DMD: variants seen among roughly 807,000 people sequenced by gnomAD.
The protein encoded by DMD is mutant dystrophin.
A neutral mutation model predicts 330.1 loss-of-function variants in DMD; 63 were observed. The observed-to-expected ratio is 0.19, with a 90% CI of 0.16 to 0.24. The LOEUF is 0.24. DMD is among the 10% of genes least tolerant of loss of function. The pLI, the probability that DMD is intolerant of heterozygous loss-of-function variation, is 1.00. For missense variants in DMD, 3,344 were observed against 2,684.1 expected, an observed-to-expected ratio of 1.25 and a Z score of -5.43; for synonymous variants, 1,223 against 959.8, an observed-to-expected ratio of 1.27 and a Z score of -5.07.
chrX:31,162,356 T>TAAAAAAAAAAA (rs57908991), intron 74 of DMD, among the ~76,000 whole-genome samples: 37 of 50,617 alleles, frequency 7.3e-4, no homozygotes, highest in African/African-American at 2.4e-3. Flanking sequence ...ATGAAAAATC[T>TAAAAAAAAAAA]AAAAAAAAAA....
Position 32,624,480 on chromosome X carries a change from G to A in DMD, c.1332-10027C>T, listed in dbSNP as rs148109972. Among the ~76,000 whole-genome samples, 914 of 111,812 alleles carry A rather than the reference G, an allele frequency of 8.2e-3. 9 individuals carry two copies. Among genetic ancestry groups the A allele is most frequent in the African/African-American group, 0.029 (881 of 30,769 alleles). On this transcript the variant is annotated intron_variant, in intron 11 of 78. Transcript: ENST00000357033. Reference sequence around the variant, plus strand: ...AGTTACAGACCTAATGGTCTCTAGCGTCAACGACATTTTTGATATATTGTT... The same window carrying A: ...AGTTACAGACCTAATGGTCTCTAGCATCAACGACATTTTTGATATATTGTT...
At chrX:32,589,996 G>A (rs924292116) in intron 13 of DMD, among the ~76,000 whole-genome samples, 2 of 111,766 alleles carry the variant, frequency 1.8e-5, no homozygotes, top group African/African-American at 3.3e-5. Flanking sequence ...ACAGTATCAC[G>A]CAGAGGCTTT....
chrX:32,480,708 C>T (rs1386226762), intron 21 of DMD, among the ~76,000 whole-genome samples: 1 of 109,130 alleles, frequency 9.2e-6, no homozygotes, highest in African/African-American at 3.4e-5. Flanking sequence ...ATATGTATAG[C>T]TTTAACTTGG....
chrX:33,031,864 G>A (rs1290889641), intron 1 of DMD, among the ~76,000 whole-genome samples: 1 of 111,785 alleles, frequency 8.9e-6, no homozygotes, highest in Admixed American at 9.5e-5. Context: ...GGAAATAATC[G>A]TGGTAAAAAA....
intron 43 of DMD, among the ~76,000 whole-genome samples, chrX:32,221,509 G>A (rs1369108604): frequency 9.0e-6 from 1 of 111,560 alleles, no homozygotes; most frequent in Non-Finnish European, 1.9e-5. Context: ...CAATAAATGA[G>A]TATATATAAA....
At chrX:31,791,942 A>T (rs1437908943) in intron 50 of DMD, among the ~76,000 whole-genome samples, 1 of 112,326 alleles carries the variant, frequency 8.9e-6, no homozygotes, top group Non-Finnish European at 1.9e-5. Context: ...TTCTCCTTTG[A>T]GCATTGTAAA....
chrX:32,619,543 G>A (rs1400277627), intron 11 of DMD, among the ~76,000 whole-genome samples: 1 of 111,905 alleles, frequency 8.9e-6, no homozygotes, highest in Admixed American at 9.5e-5. Flanking sequence ...TTACTCAGAA[G>A]CATCACGTTG....
chrX:31,677,846 C>T (rs1290894715), intron 53 of DMD, among the ~76,000 whole-genome samples: 1 of 112,420 alleles, frequency 8.9e-6, no homozygotes, highest in East Asian at 2.8e-4. Flanking sequence ...TAAAAGCTCA[C>T]TAATTCCATT....
chrX:32,689,014 C>A (rs1386678236), intron 9 of DMD, among the ~76,000 whole-genome samples: 1 of 110,489 alleles, frequency 9.1e-6, no homozygotes, highest in Non-Finnish European at 1.9e-5. Flanking sequence ...GGAGTTACAT[C>A]TTTGTAAGAT....
Position 32,342,081 on chromosome X carries a change from T to G in DMD, c.5922+19A>C. The G allele has an allele frequency of 2.5e-6, 3 of 1,201,666 alleles. No homozygotes were observed. The highest frequency in any genetic ancestry group is 3.4e-6 in the Non-Finnish European group (3 of 888,006). On this transcript the variant is annotated intron_variant, in intron 41 of 78. Coordinates refer to ENST00000357033, the MANE Select transcript of DMD (RefSeq NM_004006.3). ...TAGTAGTTGCAAACACATACGTGGG[T>G]TTGCCAGTAACAACTCACAATTTGT... is the stretch of plus-strand genomic sequence containing the variant.
At chrX:31,228,870 AT>A (rs1347538189) in intron 63 of DMD, among the ~76,000 whole-genome samples, 1 of 112,148 alleles carries the variant, frequency 8.9e-6, no homozygotes, top group Non-Finnish European at 1.9e-5. Context: ...CATAACTTGT[AT>A]TATTTTATCC....
At chrX:31,750,970 C>T (rs1266157816) in intron 51 of DMD, among the ~76,000 whole-genome samples, 1 of 108,182 alleles carries the variant, frequency 9.2e-6, no homozygotes, top group African/African-American at 3.4e-5. Flanking sequence ...AGGAGAACTA[C>T]AAACCACTGC....
At chrX:32,819,011 T>TG (rs1309700120) in intron 5 of DMD, among the ~76,000 whole-genome samples, 1 of 101,946 alleles carries the variant, frequency 9.8e-6, no homozygotes, top group Non-Finnish European at 2.0e-5. Context: ...AGGTGTTTTT[T>TG]TTTTTTTTTT....
intron 52 of DMD, among the ~76,000 whole-genome samples, chrX:31,685,657 T>A (rs1310917733): frequency 8.9e-6 from 1 of 112,392 alleles, no homozygotes; most frequent in Non-Finnish European, 1.9e-5. Context: ...TTGGCACTCA[T>A]CCTTCAAGTA....
chrX:31,688,108 A>G (rs1279093618), intron 52 of DMD, among the ~76,000 whole-genome samples: 1 of 111,189 alleles, frequency 9.0e-6, no homozygotes, highest in Non-Finnish European at 1.9e-5. Context: ...GAAAAAAATA[A>G]TAAGAAACAA....
At chrX:31,483,264 T>C (rs757374311) in intron 57 of DMD, among the ~76,000 whole-genome samples, 33 of 109,256 alleles carry the variant, frequency 3.0e-4, no homozygotes, top group Admixed American at 2.8e-3. Flanking sequence ...GCCAGGATGG[T>C]CTCCATCTCC....
intron 43 of DMD, among the ~76,000 whole-genome samples, chrX:32,232,948 A>G (rs1418911765): frequency 8.9e-6 from 1 of 112,482 alleles, no homozygotes; most frequent in Non-Finnish European, 1.9e-5. Context: ...TTTAAGAAAT[A>G]AAATATCCAC....
intron 77 of DMD, 129 bp from the exon 78 acceptor site, chrX:31,126,802 G>GTAA (rs1263082892): frequency 1.3e-5 from 2 of 152,960 alleles, no homozygotes; most frequent in East Asian, 1.1e-4. Flanking sequence ...ATTCTCTGCT[G>GTAA]GAAAAAAAAA....
At chrX:32,373,336 A>T (rs1237723793) in intron 34 of DMD, among the ~76,000 whole-genome samples, 2 of 108,666 alleles carry the variant, frequency 1.8e-5, no homozygotes, top group African/African-American at 6.7e-5. Context: ...ACATGGCAAA[A>T]TTCTATGGTC....
Sources: gnomAD v4.1 joint callset for allele counts (sites outside exome capture counted in the v4.1 genomes callset) on GRCh38, gnomAD v4.1.1 for gene constraint, MANE v1.5 for transcripts, NCBI Gene and HGNC (gene_info 2026-07-23, HGNC 2026-07-21) for gene names.